CSGALNACT1: variants seen among roughly 807,000 people sequenced by gnomAD.
CSGALNACT1 encodes beta4GalNAcT-1.
Under a neutral mutation model 51.0 loss-of-function variants are expected in CSGALNACT1, and 52 were observed. The observed-to-expected ratio is 1.02, with a 90% CI of 0.82 to 1.29. CSGALNACT1 has a LOEUF of 1.29. Ranked by LOEUF, CSGALNACT1 falls within the 50% of genes most tolerant of loss-of-function variation. The probability of loss-of-function intolerance (pLI) is 0.00; values close to 1 mark genes in which losing one functional copy is unlikely to be tolerated. For missense variants in CSGALNACT1, 935 were observed against 679.2 expected (o/e 1.38, Z -4.19); for synonymous variants, 341 against 254.4 (o/e 1.34, Z -3.24).
intron 1 of CSGALNACT1, among the ~76,000 whole-genome samples, chr8:19,631,616 C>T (rs2055271235): frequency 6.6e-6 from 1 of 152,172 alleles, no homozygotes; most frequent in South Asian, 2.1e-4. Flanking sequence ...ACTTACTACC[C>T]AAAATACTTT....
intron 3 of CSGALNACT1, among the ~76,000 whole-genome samples, chr8:19,507,006 G>C (rs149494079): frequency 4.0e-4 from 61 of 152,352 alleles, no homozygotes; most frequent in African/African-American, 1.4e-3. Context: ...CACTCACTTA[G>C]AGCAGGCCTG....
intron 6 of CSGALNACT1, among the ~76,000 whole-genome samples, chr8:19,435,007 A>G (rs1243319281): frequency 2.0e-5 from 3 of 152,114 alleles, no homozygotes. Flanking sequence ...TGGGTCCCTG[A>G]TAACGACAAC....
At chr8:19,746,445 T>C (rs1406350223) in intron 1 of CSGALNACT1, among the ~76,000 whole-genome samples, 2 of 152,144 alleles carry the variant, frequency 1.3e-5, no homozygotes, top group African/African-American at 2.4e-5. Context: ...TTGATGAAAA[T>C]AAGGAACCTG....
intron 5 of CSGALNACT1, among the ~76,000 whole-genome samples, chr8:19,452,562 C>G (rs562010690): frequency 6.6e-6 from 1 of 152,134 alleles, no homozygotes; most frequent in East Asian, 1.9e-4. Context: ...GCATCTCCCC[C>G]ACATCCCACA....
rs200576871 is a variant in CSGALNACT1, at chr8:19,408,413, A to G, written c.1309+200T>C. On this transcript the variant is annotated intron_variant, in intron 9 of 9. Transcript: ENST00000454498. Reference sequence around the variant, plus strand: ...GCCTCAAGTGATCCCCCCTCCTCTAACCTCCCAAAGCACTGGGATTACAGG... The same window carrying G: ...GCCTCAAGTGATCCCCCCTCCTCTAGCCTCCCAAAGCACTGGGATTACAGG... 1.3e-4 allele frequency among the ~76,000 whole-genome samples: 19 copies of G among 143,984 alleles called. No homozygotes were observed. The East Asian group carries it at 4.0e-3, about 30-fold the overall frequency. The allele number at this position is 143,984 out of a possible 152,430, so 94.5% of individuals were successfully genotyped here.
chr8:19,440,340 T>G (rs930224800), intron 5 of CSGALNACT1, among the ~76,000 whole-genome samples: 1 of 151,976 alleles, frequency 6.6e-6, no homozygotes, highest in Non-Finnish European at 1.5e-5. Flanking sequence ...CAAACCGAAT[T>G]CAGCAGCACA....
rs145036090 is a variant in CSGALNACT1 at position 19,655,033 on chromosome 8, G to A, written c.-544+27440C>T. On this transcript the variant is annotated intron_variant, in intron 1 of 9. Transcript: ENST00000332246. ...ATACATTCCTTTATTTAAAAAATGG[G>A]TATCAAAATACATTGAGTAATAAGC... Among the ~76,000 whole-genome samples the A allele has an allele frequency of 3.4e-3, 520 of 152,150 alleles. 3 individuals are homozygous for A. Among genetic ancestry groups the A allele is most frequent in the African/African-American group, 0.012 (502 of 41,528 alleles).
In CSGALNACT1 at chr8:19,700,098, TG is replaced by T. The variant is rs761497766; in HGVS notation, c.-297+57751del. On this transcript the variant is annotated intron_variant, in intron 1 of 1. Transcript: ENST00000517494. Reference sequence around the variant, plus strand: ...CTGCACTCCAGCCTGGGTAACAGAGTGAGACTCCGTCTCAAAAAAAAAAAAA... The same window carrying T: ...CTGCACTCCAGCCTGGGTAACAGAGTAGACTCCGTCTCAAAAAAAAAAAAA... Among the ~76,000 whole-genome samples, 281 of 134,716 alleles carry T rather than the reference TG, an allele frequency of 2.1e-3. 1 individual carries two copies. Among genetic ancestry groups the T allele is most frequent in the Non-Finnish European group, 3.1e-3 (203 of 64,810 alleles). 88.4% of individuals were successfully genotyped at this position (134,716 alleles called of 152,430 possible).
intron 1 of CSGALNACT1, among the ~76,000 whole-genome samples, chr8:19,661,610 T>C (rs555836081): frequency 4.9e-4 from 75 of 152,296 alleles, no homozygotes; most frequent in African/African-American, 1.6e-3. Flanking sequence ...CCGGATTGCA[T>C]GGGACATAGG....
At chr8:19,439,063 TG>T (rs1488160473) in intron 6 of CSGALNACT1, among the ~76,000 whole-genome samples, 2 of 152,172 alleles carry the variant, frequency 1.3e-5, no homozygotes, top group Non-Finnish European at 2.9e-5. Flanking sequence ...TTACTCAAAT[TG>T]CCCCCCTGCA....
At chr8:19,678,832 G>C (rs781735268) in intron 1 of CSGALNACT1, 1 of 152,196 alleles carries the variant, frequency 6.6e-6, no homozygotes, top group Non-Finnish European at 1.5e-5. Context: ...GACCTGGTAA[G>C]TGACACCAAG....
At chr8:19,660,410 C>T (rs2058657560) in intron 1 of CSGALNACT1, among the ~76,000 whole-genome samples, 1 of 152,182 alleles carries the variant, frequency 6.6e-6, no homozygotes, top group Non-Finnish European at 1.5e-5. Flanking sequence ...TACCTTCTGT[C>T]ACTGCTGATG....
chr8:19,752,909 A>G (rs1489807301), intron 1 of CSGALNACT1, among the ~76,000 whole-genome samples: 1 of 152,226 alleles, frequency 6.6e-6, no homozygotes, highest in East Asian at 1.9e-4. Flanking sequence ...ATTTTTGTGC[A>G]GGCACAACTC....
At chr8:19,473,552 C>G (rs1275827420) in intron 4 of CSGALNACT1, among the ~76,000 whole-genome samples, 1 of 152,202 alleles carries the variant, frequency 6.6e-6, no homozygotes, top group East Asian at 1.9e-4. Context: ...TCACCACTGA[C>G]TTTCTACCAC....
intron 1 of CSGALNACT1, among the ~76,000 whole-genome samples, chr8:19,742,455 A>G (rs73202595): frequency 0.14 from 21,333 of 152,258 alleles, 1,673 homozygotes; most frequent in Middle Eastern, 0.17. Context: ...CTGCCCTTGC[A>G]GGCTGAATAT....
chr8:19,446,360 A>C (rs1264810241), intron 5 of CSGALNACT1, among the ~76,000 whole-genome samples: 1 of 152,080 alleles, frequency 6.6e-6, no homozygotes, highest in Admixed American at 6.5e-5. Context: ...ATTGTCTACG[A>C]AGCCTTTGCC....
intron 1 of CSGALNACT1, among the ~76,000 whole-genome samples, chr8:19,655,859 TAGG>T (rs767580071): frequency 5.9e-5 from 9 of 152,276 alleles, no homozygotes; most frequent in Non-Finnish European, 1.2e-4. Context: ...AGTCTGGTAA[TAGG>T]AGACTTAAAA....
At chr8:19,589,121 T>C (rs1378193557) in intron 3 of CSGALNACT1, among the ~76,000 whole-genome samples, 2 of 152,180 alleles carry the variant, frequency 1.3e-5, no homozygotes, top group African/African-American at 2.4e-5. Flanking sequence ...CCATTCTTTC[T>C]AGGATTGTCT....
At chr8:19,495,670 T>G (rs1288227611) in intron 4 of CSGALNACT1, among the ~76,000 whole-genome samples, 2 of 152,200 alleles carry the variant, frequency 1.3e-5, no homozygotes, top group Non-Finnish European at 2.9e-5. Context: ...CAGAAGCTAC[T>G]GACTGGCAAA....
Sources: gnomAD v4.1 joint callset for allele counts (sites outside exome capture counted in the v4.1 genomes callset) on GRCh38, gnomAD v4.1.1 for gene constraint, MANE v1.5 for transcripts, NCBI Gene and HGNC (gene_info 2026-07-23, HGNC 2026-07-21) for gene names.